Variants in TRIM49C observed in about 807,000 individuals in gnomAD.
The protein encoded by TRIM49C is tripartite motif containing 49C.
In TRIM49C, 6 loss-of-function variants were observed where a neutral mutation model predicts 21.4. The ratio of observed to expected loss-of-function variants is 0.28; its 90% CI spans 0.15 to 0.55. The LOEUF is 0.55. Ranked by LOEUF, TRIM49C falls within the 20% of genes least tolerant of loss-of-function variation. The pLI is 0.94. For synonymous variants in TRIM49C, 57 were observed against 148.1 expected (o/e 0.38, Z 4.47); for missense variants, 161 against 442.4 (o/e 0.36, Z 5.71).
At position 90,039,924 on chromosome 11, in the gene TRIM49C, C is replaced by T; in HGVS notation, c.821C>T (p.Pro274Leu). ...CTGAATCCAGAGCTCAGTGCAGGGC[C>T]CATCACTGGACTGAGGGACAGGCTC... is the stretch of plus-strand genomic sequence containing the variant. ...QPLNPELSAG[P>L]ITGLRDRLNQ... is the part of the protein sequence containing the mutation. The change falls in exon 7 of 8, where the codon CCC becomes CTC. Residue 274 changes from proline to leucine, a missense_variant. Coordinates refer to ENST00000448984, the MANE Select transcript of TRIM49C (RefSeq NM_001195234.1). The T allele has an allele frequency of 3.3e-6, 4 of 1,204,638 alleles. 1 individual carries two copies. The highest frequency in any genetic ancestry group is 6.2e-5 in the East Asian group (2 of 32,114). The allele number at this position is 1,204,638 out of a possible 1,614,324, so 74.6% of individuals were successfully genotyped here. A position where few individuals can be genotyped will look rare whatever the true frequency, so the allele number is the denominator to read the frequency against.
chr11:90,052,705 C>T, the TRIM49C span: 62 of 152,744 alleles, frequency 4.1e-4, no homozygotes, highest in Non-Finnish European at 6.6e-4. Flanking sequence ...CCCCTACTAG[C>T]TCAGGGCTCC....
At chr11:90,057,988 G>T in the TRIM49C span, 1 of 1,517,408 alleles carries the variant, frequency 6.6e-7, no homozygotes, top group Non-Finnish European at 8.9e-7. Context: ...TCCACTCCCT[G>T]GGGATCCGTG....
chr11:90,042,142 G>C (rs1345782345), downstream of TRIM49C: 2 of 141,094 alleles, frequency 1.4e-5, no homozygotes, highest in African/African-American at 5.4e-5. Flanking sequence ...GAACAATGCT[G>C]GATTAATTGA....
chr11:90,065,995 T>A, the TRIM49C span, among the ~76,000 whole-genome samples: 1 of 138,702 alleles, frequency 7.2e-6, no homozygotes, highest in East Asian at 2.2e-4. Flanking sequence ...ATACAACAAT[T>A]ATTTCATTAA....
chr11:90,064,150 G>C, the TRIM49C span, among the ~76,000 whole-genome samples: 37 of 142,048 alleles, frequency 2.6e-4, no homozygotes, highest in African/African-American at 8.6e-4. Context: ...TGAGTAATCA[G>C]AGTGGACCGT....
At chr11:90,065,016 C>T in the TRIM49C span, among the ~76,000 whole-genome samples, 1 of 139,864 alleles carries the variant, frequency 7.1e-6, no homozygotes, top group African/African-American at 2.6e-5. Flanking sequence ...GCGTACGTTA[C>T]AACCATTACT....
the TRIM49C span, chr11:90,062,580 G>A: frequency 7.0e-7 from 1 of 1,426,354 alleles, no homozygotes; most frequent in Non-Finnish European, 9.3e-7. Flanking sequence ...TGCCTTAGAG[G>A]CATCACGTAC....
intron 2 of TRIM49C, among the ~76,000 whole-genome samples, chr11:90,034,501 CAAGAAAATAAA>C (rs1386400797): frequency 1.6e-5 from 2 of 122,948 alleles, no homozygotes; most frequent in African/African-American, 6.6e-5. Context: ...ATTTAATCCG[CAAGAAAATAAA>C]AAGACCCAAT....
the TRIM49C span, among the ~76,000 whole-genome samples, chr11:90,066,166 A>G: frequency 7.5e-6 from 1 of 133,562 alleles, no homozygotes; most frequent in Non-Finnish European, 1.6e-5. Context: ...GATTACAGGC[A>G]CCTGCCACTA....
the TRIM49C span, among the ~76,000 whole-genome samples, chr11:90,064,952 G>A: frequency 6.7e-6 from 1 of 148,964 alleles, no homozygotes; most frequent in Non-Finnish European, 1.5e-5. Context: ...CAGCAAATAA[G>A]ACCTTTGCAA....
chr11:90,031,498 T>C (rs505239), intron 1 of TRIM49C, among the ~76,000 whole-genome samples: 105 of 132,944 alleles, frequency 7.9e-4, no homozygotes, highest in African/African-American at 1.1e-3. Context: ...AAAGACTTGG[T>C]ATAGAAAGAA....
chr11:90,033,376 GATAC>G lies in TRIM49C; in HGVS notation c.-5+797_-5+800del, dbSNP rs1950700505. 1.5e-5 allele frequency among the ~76,000 whole-genome samples: 2 copies of G among 135,030 alleles called. 1 individual carries two copies. The highest frequency in any genetic ancestry group is 5.1e-4 in the South Asian group (2 of 3,896). 88.6% of individuals were successfully genotyped at this position (135,030 alleles called of 152,430 possible). On this transcript the variant is annotated intron_variant, in intron 2 of 7. Transcript: ENST00000448984. ...TAGGATGTATACATATATGTGTGCA[GATAC>G]ATTCATGGGCCATTTGAGTCAGCCA...
intron 7 of TRIM49C, 59 bp from the exon 8 acceptor site, chr11:90,040,992 T>C: frequency 2.0e-6 from 3 of 1,467,778 alleles, no homozygotes; most frequent in Non-Finnish European, 2.7e-6. Context: ...ATAGAACAAT[T>C]ATTTTTTTCT....
chr11:90,039,534 C>T (rs149960779), intron 6 of TRIM49C, among the ~76,000 whole-genome samples: 1,629 of 131,538 alleles, frequency 0.012, 276 homozygotes, highest in Non-Finnish European at 0.014. Flanking sequence ...CCCAAAACCC[C>T]GCTATTTCAG....
At chr11:90,073,378 T>C in the TRIM49C span, 2 of 625,108 alleles carry the variant, frequency 3.2e-6, no homozygotes, top group East Asian at 6.0e-5. Context: ...TCTTTTACAC[T>C]GGCCACAGAT....
chr11:90,062,825 G>T, the TRIM49C span: 1 of 1,409,890 alleles, frequency 7.1e-7, no homozygotes, highest in South Asian at 1.4e-5. Flanking sequence ...GCTTCTCTGA[G>T]ATTTTTCTGC....
rs780192949 is a variant in TRIM49C at position 90,041,276 on chromosome 11, G to A, written c.1085G>A (p.Arg362Gln). ...NWAFGVCNMY[R>Q]KEKNQNEKID... is the part of the protein sequence containing the mutation. ...GCTTTTGGTGTCTGTAATATGTATC[G>A]GAAGGAGAAGAATCAGAATGAGAAG... Residue 362 changes from arginine to glutamine, a missense_variant, in exon 8 of 8, where the codon CGG becomes CAG. Coordinates refer to ENST00000448984, the MANE Select transcript of TRIM49C (RefSeq NM_001195234.1). The A allele has an allele frequency of 6.4e-5, 102 of 1,584,758 alleles. 4 individuals are homozygous for A. Among genetic ancestry groups the A allele is most frequent in the Admixed American group, 6.8e-5 (4 of 58,754 alleles).
At chr11:90,049,048 C>T in the TRIM49C span, among the ~76,000 whole-genome samples, 12 of 126,930 alleles carry the variant, frequency 9.5e-5, 5 homozygotes, top group South Asian at 3.5e-3. Flanking sequence ...CGCTGTTTGC[C>T]TGGGTATCAG....
chr11:90,045,214 C>T (rs1188808837), downstream of TRIM49C, among the ~76,000 whole-genome samples: 3 of 130,662 alleles, frequency 2.3e-5, no homozygotes, highest in African/African-American at 8.4e-5. Flanking sequence ...TAGTGTGATG[C>T]CTCCAGCTTT....
Sources: gnomAD v4.1 joint callset for allele counts (sites outside exome capture counted in the v4.1 genomes callset) on GRCh38, gnomAD v4.1.1 for gene constraint, MANE v1.5 for transcripts, NCBI Gene and HGNC (gene_info 2026-07-23, HGNC 2026-07-21) for gene names.